LRRC27: variants seen among roughly 807,000 people sequenced by gnomAD.
LRRC27 encodes leucine-rich repeat-containing protein 27.
LRRC27 carries 57 observed loss-of-function variants against 55.0 expected under a neutral mutation model. The ratio of observed to expected loss-of-function variants is 1.04; its 90% CI spans 0.84 to 1.29. The LOEUF (loss-of-function observed/expected upper bound fraction) is 1.29. LRRC27 is among the 50% of genes most tolerant of loss of function. The pLI is 0.00. For synonymous variants in LRRC27, 278 were observed against 251.9 expected (o/e 1.10, Z -0.98); for missense variants, 721 against 651.5 (o/e 1.11, Z -1.16).
At chr10:132,338,247 C>T (rs1267228543) in intron 3 of LRRC27, among the ~76,000 whole-genome samples, 1 of 152,028 alleles carries the variant, frequency 6.6e-6, no homozygotes, top group African/African-American at 2.4e-5. Context: ...CCCCAGGAGG[C>T]AGAGGTTGCA....
At chr10:132,331,472 G>A (rs1308040223), upstream of LRRC27, 6 of 1,612,590 alleles carry the variant, frequency 3.7e-6, no homozygotes, top group Admixed American at 1.7e-5. Flanking sequence ...CCGTCCAGAG[G>A]CAGCCTTACT....
chr10:132,347,013 G>A (rs185794441), intron 5 of LRRC27, among the ~76,000 whole-genome samples: 1 of 152,346 alleles, frequency 6.6e-6, no homozygotes, highest in African/African-American at 2.4e-5. Flanking sequence ...TGCTGGGCAC[G>A]TGCTGGGAGA....
Position 132,344,545 on chromosome 10 carries a change from G to A in LRRC27, c.448G>A (p.Glu150Lys), listed in dbSNP as rs754034466. 24 of 1,613,990 alleles carry A rather than the reference G, an allele frequency of 1.5e-5. No individual in the cohort carries two copies. The highest frequency in any genetic ancestry group is 3.3e-5 in the Admixed American group (2 of 59,998). ...ACTGAACCTAAGACACTGCCCTCTG[G>A]AATTCCCTCCTCAGCTCGTTGTGCA... The part of the protein sequence containing the change: ...KALNLRHCPL[E>K]FPPQLVVQKG... Residue 150 changes from glutamate (E) to lysine (K), a missense_variant, in exon 5 of 11, where the codon GAA becomes AAA. Transcript: ENST00000368614.
Position 132,358,434 on chromosome 10 carries a change from C to T in LRRC27, c.1170+2548C>T, listed in dbSNP as rs2020346. ...GTGGTGGAGCAGCGTGGGGAGGAGC[C>T]GAGGTGATGGAGCAGCGTGGGGAGG... On this transcript the variant is annotated intron_variant, in intron 8 of 10. Transcript: ENST00000368614. Among the ~76,000 whole-genome samples, 29 of 8,872 alleles carry T rather than the reference C, an allele frequency of 3.3e-3. 9 individuals are homozygous for T. The highest frequency in any genetic ancestry group is 0.05 in the Middle Eastern group (1 of 20). The allele number at this position is 8,872 out of a possible 152,430, so 5.8% of individuals were successfully genotyped here. A position where few individuals can be genotyped will look rare whatever the true frequency, so the allele number is the denominator to read the frequency against.
chr10:132,369,118 C>T (rs1474590177), intron 10 of LRRC27, among the ~76,000 whole-genome samples: 1 of 152,196 alleles, frequency 6.6e-6, no homozygotes, highest in Non-Finnish European at 1.5e-5. Flanking sequence ...AAAACACTCA[C>T]CACCAAATGC....
At chr10:132,333,066 A>G (rs1284815306) in intron 1 of LRRC27, among the ~76,000 whole-genome samples, 2 of 152,174 alleles carry the variant, frequency 1.3e-5, no homozygotes, top group African/African-American at 4.8e-5. Flanking sequence ...GGCCTCAAGA[A>G]ACTAAAAACA....
chr10:132,359,629 C>T (rs2474340), intron 8 of LRRC27, among the ~76,000 whole-genome samples: 23,095 of 152,314 alleles, frequency 0.15, 2,171 homozygotes, highest in Non-Finnish European at 0.22. Context: ...TCTGCTGATC[C>T]GTCACTGTGT....
intron 10 of LRRC27, among the ~76,000 whole-genome samples, chr10:132,365,900 T>C (rs2069056981): frequency 6.6e-6 from 1 of 152,234 alleles, no homozygotes; most frequent in South Asian, 2.1e-4. Flanking sequence ...CATTGTTTTA[T>C]TAAAAATAAA....
intron 6 of LRRC27, 83 bp from the exon 7 acceptor site, chr10:132,351,524 C>T: frequency 1.3e-6 from 2 of 1,482,750 alleles, no homozygotes; most frequent in Non-Finnish European, 1.8e-6. Context: ...TCCACAGGCC[C>T]TCCTTTTACA....
At chr10:132,332,118 A>C, upstream of LRRC27, 5 of 180,068 alleles carry the variant, frequency 2.8e-5, no homozygotes, top group Non-Finnish European at 3.5e-5. Context: ...TCACAGACAC[A>C]CTCGCGCTCA....
At chr10:132,361,159 G>C (rs1402360147) in intron 8 of LRRC27, among the ~76,000 whole-genome samples, 1 of 152,292 alleles carries the variant, frequency 6.6e-6, no homozygotes, top group East Asian at 1.9e-4. Context: ...GGGCATAAGG[G>C]CATGCAGGGC....
chr10:132,337,245 G>T, intron 2 of LRRC27: 1 of 1,190,256 alleles, frequency 8.4e-7, no homozygotes, highest in South Asian at 2.2e-5. Context: ...GAGACACTGA[G>T]TGTGGGGCCC....
rs1014537068 is a variant in LRRC27 at position 132,332,815 on chromosome 10, T to C, written c.-49+559T>C. Among the ~76,000 whole-genome samples, 3 of 152,122 alleles carry C rather than the reference T, an allele frequency of 2.0e-5. No homozygotes were observed. In the East Asian group the frequency reaches 5.8e-4, roughly 29 times the overall value. On this transcript the variant is annotated intron_variant, in intron 1 of 10. Transcript: ENST00000368614. ...TCATTGGGCTGTTGAGTGACTTGAATTAGGTGAACTGATGCATTCCAACGT... is the reference window on the plus strand; with the variant it reads ...TCATTGGGCTGTTGAGTGACTTGAACTAGGTGAACTGATGCATTCCAACGT...
rs2069406075 is a variant in LRRC27 at position 132,381,141 on chromosome 10, A to G, written c.*5899A>G. 6.6e-6 allele frequency among the ~76,000 whole-genome samples: 1 copy of G among 152,236 alleles called. No individual in the cohort carries two copies. Among genetic ancestry groups the G allele is most frequent in the Non-Finnish European group, 1.5e-5 (1 of 68,042 alleles). Reference sequence around the variant, plus strand: ...GGAGAAGACCCACCACAGTGTGGGCAGGCACCATCCAGTCGGCTGCCAGCA... The same window carrying G: ...GGAGAAGACCCACCACAGTGTGGGCGGGCACCATCCAGTCGGCTGCCAGCA... On this transcript the variant is annotated 3_prime_UTR_variant, in exon 11 of 11. Coordinates refer to ENST00000368614, the MANE Select transcript of LRRC27 (RefSeq NM_030626.3).
At position 132,342,247 on chromosome 10, in the gene LRRC27, A is replaced by G. The variant is rs781526642; in HGVS notation, c.376A>G (p.Ile126Val). ...AACTTTGCTTTTAGAAAGAAATCCTATCAAAATGTTACCTGTGGAGCTGGG... is the reference window on the plus strand; with the variant it reads ...AACTTTGCTTTTAGAAAGAAATCCTGTCAAAATGTTACCTGTGGAGCTGGG... ...LKTLLLERNPIKMLPVELGSV... is the reference protein window; with the variant it reads ...LKTLLLERNPVKMLPVELGSV... The change falls in exon 4 of 11, where the codon ATC (isoleucine) becomes GTC (valine). Residue 126 changes from isoleucine to valine, a missense_variant. Ile to Val is a conservative substitution (Grantham distance 29). Coordinates refer to ENST00000368614, the MANE Select transcript of LRRC27 (RefSeq NM_030626.3). 1 of 1,555,468 alleles carries G rather than the reference A, an allele frequency of 6.4e-7. No homozygotes were observed. Among genetic ancestry groups the G allele is most frequent in the Non-Finnish European group, 8.7e-7 (1 of 1,149,066 alleles).
At chr10:132,337,076 A>G in intron 2 of LRRC27, 1 of 1,285,844 alleles carries the variant, frequency 7.8e-7, no homozygotes, top group Non-Finnish European at 9.8e-7. Context: ...AGAGAACACC[A>G]CGGCAGACAT....
intron 5 of LRRC27, among the ~76,000 whole-genome samples, chr10:132,345,430 A>C (rs2748389): frequency 0.29 from 43,863 of 151,758 alleles, 6,973 homozygotes; most frequent in African/African-American, 0.4. Flanking sequence ...ACCCAGATGG[A>C]CTCTATTTGG....
chr10:132,355,647 A>G, intron 7 of LRRC27, 143 bp from the exon 8 acceptor site: 1 of 608,250 alleles, frequency 1.6e-6, no homozygotes, highest in Non-Finnish European at 3.0e-6. Flanking sequence ...TGTGGTTCAG[A>G]CTCCCACCCG....
At chr10:132,335,962 G>T (rs1025335424) in intron 2 of LRRC27, among the ~76,000 whole-genome samples, 14 of 152,144 alleles carry the variant, frequency 9.2e-5, no homozygotes, top group African/African-American at 3.4e-4. Context: ...AGCAGGCATC[G>T]GCTATCCAAG....
Sources: allele counts gnomAD v4.1 joint callset (sites outside exome capture counted in the v4.1 genomes callset), GRCh38; gene constraint gnomAD v4.1.1; transcripts MANE v1.5; gene names NCBI Gene and HGNC (gene_info 2026-07-23, HGNC 2026-07-21).